Variants in SLC1A2 observed in about 807,000 individuals in gnomAD.
SLC1A2 encodes solute carrier family 1 member 2.
Under a neutral mutation model 48.8 loss-of-function variants are expected in SLC1A2, and 15 were observed. The observed-to-expected ratio is 0.31, with a 90% CI of 0.21 to 0.47. The LOEUF (loss-of-function observed/expected upper bound fraction) is 0.47. SLC1A2 is among the 20% of genes least tolerant of loss of function. SLC1A2 has a pLI of 0.99. For synonymous variants in SLC1A2, 279 were observed against 272.6 expected (o/e 1.02, Z -0.23); for missense variants, 502 against 730.5 (o/e 0.69, Z 3.61).
chr11:35,400,291 T>C (rs1465801088), intron 1 of SLC1A2, among the ~76,000 whole-genome samples: 3 of 152,162 alleles, frequency 2.0e-5, no homozygotes, highest in Admixed American at 6.5e-5. Flanking sequence ...GTAAAAGTCA[T>C]GGTACCTCCA....
At chr11:35,294,625 T>C (rs16927255) in intron 6 of SLC1A2, among the ~76,000 whole-genome samples, 13,374 of 152,132 alleles carry the variant, frequency 0.088, 1,918 homozygotes, top group African/African-American at 0.3. Flanking sequence ...TCCAGAAAAA[T>C]ACAAATATAA....
intron 1 of SLC1A2, among the ~76,000 whole-genome samples, chr11:35,397,648 G>A (rs1458528856): frequency 1.3e-5 from 2 of 152,154 alleles, no homozygotes; most frequent in East Asian, 3.8e-4. Flanking sequence ...GATGGTATTT[G>A]GAGGTGAGTT....
rs566520349 is a variant in SLC1A2 at position 35,280,601 on chromosome 11, A to C, written c.1421+266T>G. ...TGTTCTGAGATTCTTTGAATGCATC[A>C]GTAGCTGGTTCCTTATTACTGTACT... On this transcript the variant is annotated intron_variant, in intron 9 of 10. Transcript: ENST00000278379. The C allele has an allele frequency of 1.2e-5, 5 of 408,590 alleles. No homozygotes were observed. In the South Asian group the frequency reaches 3.7e-4, roughly 31 times the overall value. 25.3% of individuals were successfully genotyped at this position (408,590 alleles called of 1,614,324 possible).
At chr11:35,363,770 A>G (rs1853757937) in intron 1 of SLC1A2, among the ~76,000 whole-genome samples, 1 of 152,186 alleles carries the variant, frequency 6.6e-6, no homozygotes, top group Non-Finnish European at 1.5e-5. Context: ...AGAAAGAAGG[A>G]AGAAAATGAT....
At chr11:35,395,263 G>T (rs1854915743) in intron 1 of SLC1A2, among the ~76,000 whole-genome samples, 1 of 144,604 alleles carries the variant, frequency 6.9e-6, no homozygotes, top group Non-Finnish European at 1.5e-5. Flanking sequence ...GTTTAGGAGT[G>T]TTTTTTTTTT....
At chr11:35,373,227 C>T (rs376415536) in intron 1 of SLC1A2, among the ~76,000 whole-genome samples, 167 of 152,310 alleles carry the variant, frequency 1.1e-3, no homozygotes, top group African/African-American at 3.8e-3. Context: ...ATGGTGGCCA[C>T]CCCTGCTCCT....
At chr11:35,344,633 A>T (rs755324844) in intron 1 of SLC1A2, among the ~76,000 whole-genome samples, 1 of 152,190 alleles carries the variant, frequency 6.6e-6, no homozygotes, top group Non-Finnish European at 1.5e-5. Context: ...TGCTTCTGAC[A>T]TGGCTCTGTG....
chr11:35,261,063 C>T, intron 10 of SLC1A2, 98 bp from the exon 11 acceptor site: 1 of 834,146 alleles, frequency 1.2e-6, no homozygotes, highest in Admixed American at 1.8e-5. Context: ...GATTATACTA[C>T]ATGACTGAAA....
At chr11:35,338,806 C>G (rs1565257264) in intron 1 of SLC1A2, among the ~76,000 whole-genome samples, 2 of 152,188 alleles carry the variant, frequency 1.3e-5, no homozygotes, top group Non-Finnish European at 2.9e-5. Context: ...GCAACTAAAA[C>G]AAAACAGTCC....
chr11:35,416,153 C>T (rs1335766772), intron 1 of SLC1A2, among the ~76,000 whole-genome samples: 2 of 152,134 alleles, frequency 1.3e-5, no homozygotes, highest in African/African-American at 4.8e-5. Flanking sequence ...AATCAAAGCC[C>T]TCAAAAAACC....
At chr11:35,294,237 T>C (rs1249178017) in intron 6 of SLC1A2, among the ~76,000 whole-genome samples, 1 of 152,230 alleles carries the variant, frequency 6.6e-6, no homozygotes, top group East Asian at 1.9e-4. Context: ...GGAACTGATC[T>C]GTAACTGACA....
At chr11:35,288,693 A>G (rs1850902424) in intron 7 of SLC1A2, among the ~76,000 whole-genome samples, 1 of 152,188 alleles carries the variant, frequency 6.6e-6, no homozygotes, top group Admixed American at 6.5e-5. Context: ...GGGAAAAATG[A>G]TTGGTAAGTA....
At chr11:35,318,174 A>C (rs993418250) in intron 1 of SLC1A2, among the ~76,000 whole-genome samples, 15 of 152,228 alleles carry the variant, frequency 9.9e-5, no homozygotes, top group Non-Finnish European at 5.9e-5. Context: ...GTATGGCTTT[A>C]AGAAGTATTT....
intron 1 of SLC1A2, among the ~76,000 whole-genome samples, chr11:35,321,108 C>T (rs1299523211): frequency 1.3e-5 from 2 of 152,088 alleles, no homozygotes; most frequent in East Asian, 1.9e-4. Context: ...CAAGGAGAAG[C>T]GCCAAGCAAA....
rs577784350 is a variant in SLC1A2 at position 35,311,276 on chromosome 11, C to T, written c.561+922G>A. Among the ~76,000 whole-genome samples, 6 of 152,266 alleles carry T rather than the reference C, an allele frequency of 3.9e-5. No individual in the cohort carries two copies. In the South Asian group the frequency reaches 6.2e-4, roughly 16 times the overall value. ...CCGGGCTCAAGCAATTCTCTTGCCT[C>T]GGCCTCCCGAGTAGCTGGGATTACA... On this transcript the variant is annotated intron_variant, in intron 4 of 10. Transcript: ENST00000278379.
intron 1 of SLC1A2, among the ~76,000 whole-genome samples, chr11:35,331,308 C>G (rs1306189041): frequency 6.6e-6 from 1 of 152,180 alleles, no homozygotes; most frequent in African/African-American, 2.4e-5. Context: ...CCCATGGAAG[C>G]CTTTCAAGGC....
chr11:35,403,650 T>G (rs544661486), intron 1 of SLC1A2, among the ~76,000 whole-genome samples: 42 of 152,302 alleles, frequency 2.8e-4, no homozygotes, highest in African/African-American at 9.6e-4. Context: ...AAGCAGGTCC[T>G]GCTTCCCAGG....
chr11:35,363,311 GAGT>G (rs1361045635), intron 1 of SLC1A2, among the ~76,000 whole-genome samples: 1 of 152,158 alleles, frequency 6.6e-6, no homozygotes, highest in Non-Finnish European at 1.5e-5. Context: ...GTGGATGTCT[GAGT>G]AGGAGGCAGA....
At chr11:35,267,902 C>T (rs944102644) in intron 9 of SLC1A2, among the ~76,000 whole-genome samples, 7 of 152,160 alleles carry the variant, frequency 4.6e-5, no homozygotes, top group African/African-American at 7.2e-5. Context: ...ATGTAAAGTG[C>T]TGATTTACTG....
Sources: allele counts gnomAD v4.1 joint callset (sites outside exome capture counted in the v4.1 genomes callset), GRCh38; gene constraint gnomAD v4.1.1; transcripts MANE v1.5; gene names NCBI Gene and HGNC (gene_info 2026-07-23, HGNC 2026-07-21).